The following L3MBTL2 variants were observed in gnomAD, a reference collection of about 807,000 sequenced individuals.
L3MBTL2 encodes L3MBTL histone methyl-lysine binding protein 2, also known as lethal(3)malignant brain tumor-like protein 2.
A neutral mutation model predicts 86.4 loss-of-function variants in L3MBTL2; 49 were observed. The ratio of observed to expected loss-of-function variants is 0.57; its 90% CI spans 0.45 to 0.72. The LOEUF is 0.72. Ranked by LOEUF, L3MBTL2 falls within the 30% of genes least tolerant of loss-of-function variation. The pLI is 0.00. For synonymous variants in L3MBTL2, 336 were observed against 350.6 expected (o/e 0.96, Z 0.47); for missense variants, 755 against 923.7 (o/e 0.82, Z 2.37).
intron 16 of L3MBTL2, 192 bp downstream of exon 16, chr22:41,229,848 C>G: frequency 1.1e-6 from 1 of 933,000 alleles, no homozygotes; most frequent in Non-Finnish European, 1.7e-6. Flanking sequence ...GGAGCTGAGT[C>G]CCCCTCTAGC....
At chr22:41,208,261 C>G in intron 1 of L3MBTL2, 1 of 416,766 alleles carries the variant, frequency 2.4e-6, no homozygotes, top group South Asian at 1.7e-5. Flanking sequence ...CTCCAAGAAG[C>G]TGGGACTACA....
chr22:41,212,107 G>A (rs1183739602), intron 2 of L3MBTL2, among the ~76,000 whole-genome samples: 4 of 151,172 alleles, frequency 2.6e-5, no homozygotes, highest in South Asian at 2.1e-4. Context: ...TACGTGATCC[G>A]CCCGCCTCAG....
intron 2 of L3MBTL2, among the ~76,000 whole-genome samples, chr22:41,211,856 C>CT (rs35869187): frequency 0.034 from 2,334 of 67,908 alleles, 87 homozygotes; most frequent in Non-Finnish European, 0.044. Flanking sequence ...CGCACCCGGC[C>CT]TTTTTTTTTT....
chr22:41,209,539 A>G, intron 1 of L3MBTL2, 157 bp from the exon 2 acceptor site: 1 of 657,212 alleles, frequency 1.5e-6, no homozygotes. Flanking sequence ...TGGTGGAGAA[A>G]TGTGTAAATA....
chr22:41,225,993 G>T lies in L3MBTL2; in HGVS notation c.1504+52G>T, dbSNP rs1008004887. ...TGTCCTTGCCATCAGAAGGGGCAGG[G>T]TGTCCAGGCGCGGTGGCTCCCGCCT... On this transcript the variant is annotated intron_variant, in intron 12 of 16. Transcript: ENST00000216237. The surrounding 1 kb of genome is among the most constrained non-coding windows in gnomAD (Gnocchi z 4.1). 1.3e-6 allele frequency: 2 copies of T among 1,590,312 alleles called. No individual in the cohort carries two copies. The highest frequency in any genetic ancestry group is 1.3e-5 in the African/African-American group (1 of 74,736).
chr22:41,206,749 A>G (rs547452731), intron 1 of L3MBTL2, among the ~76,000 whole-genome samples: 1 of 151,704 alleles, frequency 6.6e-6, no homozygotes, highest in East Asian at 1.9e-4. Context: ...CAGTGAGCCG[A>G]GATCGGGCCA....
In L3MBTL2 at chr22:41,227,967, C is replaced by T; in HGVS notation, c.1888+98C>T. 6.6e-7 allele frequency: 1 copy of T among 1,526,110 alleles called. No homozygotes were observed. Among genetic ancestry groups the T allele is most frequent in the Non-Finnish European group, 8.8e-7 (1 of 1,136,104 alleles). 94.5% of individuals were successfully genotyped at this position (1,526,110 alleles called of 1,614,324 possible). On this transcript the variant is annotated intron_variant, in intron 15 of 16. Coordinates refer to ENST00000216237, the MANE Select transcript of L3MBTL2 (RefSeq NM_031488.5). This position sits in a 1 kb window ranked among gnomAD's most constrained non-coding sequence, Gnocchi z 6.0. ...GGGGGTCAGCCCCCAGGCACTGGTT[C>T]CCAGGTGCTGTCCTACTGACGTAGC... is the stretch of plus-strand genomic sequence containing the variant.
At chr22:41,220,935 T>C (rs2031768930) in intron 7 of L3MBTL2, 67 bp downstream of exon 7, 18 of 1,522,468 alleles carry the variant, frequency 1.2e-5, no homozygotes, top group Non-Finnish European at 1.3e-5. Context: ...AGTCCTCTGC[T>C]TGTGTTAGGT....
At chr22:41,220,660 A>G (rs1362478446) in intron 6 of L3MBTL2, 74 bp from the exon 7 acceptor site, 29 of 349,920 alleles carry the variant, frequency 8.3e-5, no homozygotes, top group East Asian at 1.6e-4. Context: ...TTCGTCTCAG[A>G]AAAAAAAAAA....
At chr22:41,207,310 C>G (rs1047620744) in intron 1 of L3MBTL2, among the ~76,000 whole-genome samples, 2 of 137,118 alleles carry the variant, frequency 1.5e-5, no homozygotes, top group Non-Finnish European at 3.0e-5. Flanking sequence ...GTGGTGCAGT[C>G]ATAGCTAACT....
At position 41,226,653 on chromosome 22, in the gene L3MBTL2, C is replaced by G. The variant is rs751046161; in HGVS notation, c.1505-9C>G. 2 of 1,605,068 alleles carry G rather than the reference C, an allele frequency of 1.2e-6. No homozygotes were observed. The highest frequency in any genetic ancestry group is 1.7e-6 in the Non-Finnish European group (2 of 1,171,756). ...TCTCCCTCTGCATCTGAGCTTTCTG[C>G]TCCTCCAGGTTATGAGGCACAGACT... On this transcript the variant is annotated splice_polypyrimidine_tract_variant and intron_variant, in intron 12 of 16. Coordinates refer to ENST00000216237, the MANE Select transcript of L3MBTL2 (RefSeq NM_031488.5).
Position 41,227,271 on chromosome 22 carries a change from C to T in L3MBTL2, c.1770C>T (p.Pro590=), listed in dbSNP as rs145041793. The part of the protein sequence containing the change: ...WVDCESPDIY[P]VGWCELTGYQ... ...ACTGCGAGTCCCCAGACATCTACCC[C>T]GTCGGCTGGTGTGAGCTCACCGGCT... The change falls in exon 14 of 17, where the codon CCC becomes CCT. Residue 590 remains proline (P), a synonymous_variant. Coordinates refer to ENST00000216237, the MANE Select transcript of L3MBTL2 (RefSeq NM_031488.5). This position sits in a 1 kb window ranked among gnomAD's most constrained non-coding sequence, Gnocchi z 6.0. The T allele has an allele frequency of 5.8e-5, 94 of 1,612,140 alleles. No homozygotes were observed. The African/African-American group carries it at 1.0e-3, about 17-fold the overall frequency.
In L3MBTL2 at chr22:41,206,780, C is replaced by G. The variant is rs550914458; in HGVS notation, c.24+1394C>G. 2.0e-5 allele frequency among the ~76,000 whole-genome samples: 3 copies of G among 151,504 alleles called. No individual in the cohort carries two copies. The South Asian group carries it at 6.2e-4, about 31-fold the overall frequency. On this transcript the variant is annotated intron_variant, in intron 1 of 16. Coordinates refer to ENST00000216237, the MANE Select transcript of L3MBTL2 (RefSeq NM_031488.5). ...GGCCACTGCACCACTGCACTCCAGC[C>G]TGGACGACAGAGCGAGACTGTGTCT... is the stretch of plus-strand genomic sequence containing the variant.
At position 41,229,655 on chromosome 22, in the gene L3MBTL2, GAGTA is replaced by G; in HGVS notation, c.2005+2_2005+5del. 6.2e-7 allele frequency: 1 copy of G among 1,613,428 alleles called. No homozygotes were observed. The highest frequency in any genetic ancestry group is 8.5e-7 in the Non-Finnish European group (1 of 1,180,016). On this transcript the variant is annotated splice_donor_variant and splice_donor_region_variant and coding_sequence_variant and intron_variant, in exon 16 of 17. Transcript: ENST00000216237. LOFTEE classifies it high-confidence loss of function. Reference sequence around the variant, plus strand: ...TCTCGTCGGAGCCTGTTCCTGGCGAGAGTAAGAGCCACCGGGCTGGGTCAAGGCA... The same window carrying G: ...TCTCGTCGGAGCCTGTTCCTGGCGAGAGAGCCACCGGGCTGGGTCAAGGCA...
chr22:41,215,704 A>ACCCTCTCCCGAACATTCACCTATGTGGG lies in L3MBTL2; in HGVS notation c.397-418_397-417insACCTATGTGGGCCCTCTCCCGAACATTC, dbSNP rs1569141396. Reference sequence around the variant, plus strand: ...CTCTCCCGAACATTCGCCTATGTGGACCCTCTCCCGAACATTCGCCTATGT... The same window carrying ACCCTCTCCCGAACATTCACCTATGTGGG: ...CTCTCCCGAACATTCGCCTATGTGGACCCTCTCCCGAACATTCACCTATGTGGGCCCTCTCCCGAACATTCGCCTATGT... On this transcript the variant is annotated intron_variant, in intron 3 of 16. Transcript: ENST00000216237. 2.8e-5 allele frequency among the ~76,000 whole-genome samples: 4 copies of ACCCTCTCCCGAACATTCACCTATGTGGG among 142,164 alleles called. 1 individual carries two copies. Among genetic ancestry groups the ACCCTCTCCCGAACATTCACCTATGTGGG allele is most frequent in the Non-Finnish European group, 6.2e-5 (4 of 64,424 alleles). The allele number at this position is 142,164 out of a possible 152,430, so 93.3% of individuals were successfully genotyped here.
At chr22:41,212,672 G>A (rs935465924) in intron 2 of L3MBTL2, among the ~76,000 whole-genome samples, 72 of 151,570 alleles carry the variant, frequency 4.8e-4, no homozygotes, top group Admixed American at 4.7e-3. Context: ...GAGGCGGGAG[G>A]ATCACAAGGT....
intron 1 of L3MBTL2, among the ~76,000 whole-genome samples, chr22:41,207,908 T>C (rs912775590): frequency 1.3e-5 from 2 of 151,898 alleles, no homozygotes; most frequent in Non-Finnish European, 2.9e-5. Context: ...CTCGGCTCAC[T>C]GCAACCTCCA....
At chr22:41,229,860 C>A (rs555088788) in intron 16 of L3MBTL2, 1 of 847,008 alleles carries the variant, frequency 1.2e-6, no homozygotes, top group African/African-American at 1.7e-5. Flanking sequence ...CCCTCTAGCC[C>A]GGCCCCGGCC....
At chr22:41,214,054 CG>C in intron 3 of L3MBTL2, 28 bp downstream of exon 3, 1 of 1,612,492 alleles carries the variant, frequency 6.2e-7, no homozygotes, top group Non-Finnish European at 8.5e-7. Context: ...GGATCCTTCC[CG>C]GTGCCTTTGG....
Sources: gnomAD v4.1 joint callset for allele counts (sites outside exome capture counted in the v4.1 genomes callset) on GRCh38, gnomAD v4.1.1 for gene constraint, Gnocchi (gnomAD v3.1) non-coding constraint, MANE v1.5 for transcripts, NCBI Gene and HGNC (gene_info 2026-07-23, HGNC 2026-07-21) for gene names.